Variants in TLK2 observed in about 807,000 individuals in gnomAD.
TLK2 encodes tousled like kinase 2.
A neutral mutation model predicts 117.3 loss-of-function variants in TLK2; 6 were observed. The observed-to-expected ratio is 0.05, with a 90% CI of 0.03 to 0.10. The LOEUF (loss-of-function observed/expected upper bound fraction) is 0.10, where lower values mean the gene tolerates loss of function less well. Among genes scored for constraint, TLK2 ranks in the 10% least tolerant of loss-of-function variants. TLK2 has a pLI of 1.00. For missense variants in TLK2, 299 were observed against 901.2 expected, an observed-to-expected ratio of 0.33 and a Z score of 8.56; for synonymous variants, 257 against 316.7, an observed-to-expected ratio of 0.81 and a Z score of 2.00.
At position 62,614,474 on chromosome 17, in the gene TLK2, C is replaced by G. The variant is rs560684322; in HGVS notation, c.*1909C>G. ...GAGAGCTCTCAAATAACTCATGACT[C>G]TAGTGTTCCTTTCACATGTGAACAG... is the stretch of plus-strand genomic sequence containing the variant. On this transcript the variant is annotated 3_prime_UTR_variant, in exon 22 of 22. Transcript: ENST00000346027. The G allele has an allele frequency of 2.0e-5, 3 of 152,296 alleles. No individual in the cohort carries two copies. Among genetic ancestry groups the G allele is most frequent in the East Asian group, 3.9e-4 (2 of 5,168 alleles). The allele number at this position is 152,296 out of a possible 1,614,324, so 9.4% of individuals were successfully genotyped here.
rs2073891070 is a variant in TLK2, at chr17:62,498,360, A to T, written c.81+17154A>T. Among the ~76,000 whole-genome samples the T allele has an allele frequency of 2.0e-5, 3 of 151,912 alleles. No homozygotes were observed. The South Asian group carries it at 6.2e-4, about 32-fold the overall frequency. ...AAGTTAAAAGATTTAGTTAACTTAA[A>T]CATAGTTGATAGTGTCGTAGAAAGC... On this transcript the variant is annotated intron_variant, in intron 2 of 21. Coordinates refer to ENST00000346027, the MANE Select transcript of TLK2 (RefSeq NM_006852.6).
intron 11 of TLK2, 30 bp from the exon 12 acceptor site, chr17:62,573,185 T>C (rs2080455022): frequency 6.3e-7 from 1 of 1,587,326 alleles, no homozygotes; most frequent in Non-Finnish European, 8.6e-7. Flanking sequence ...TTGACTTTCT[T>C]TCTTTGTACA....
intron 6 of TLK2, among the ~76,000 whole-genome samples, chr17:62,528,286 A>G (rs551209081): frequency 2.6e-5 from 4 of 152,334 alleles, no homozygotes; most frequent in African/African-American, 9.6e-5. Flanking sequence ...ATAAAAGATT[A>G]TTTTGTATTT....
chr17:62,559,387 T>A (rs747022770), intron 9 of TLK2, among the ~76,000 whole-genome samples: 23 of 148,618 alleles, frequency 1.5e-4, no homozygotes, highest in Non-Finnish European at 3.0e-4. Flanking sequence ...TATTTTTTAT[T>A]TTTTTTTTTG....
intron 15 of TLK2, among the ~76,000 whole-genome samples, chr17:62,581,079 C>A (rs1345516357): frequency 2.6e-5 from 4 of 151,928 alleles, no homozygotes; most frequent in African/African-American, 9.7e-5. Flanking sequence ...GTAGCACAAT[C>A]ATAGTTCATT....
chr17:62,608,005 A>G (rs762099195), intron 20 of TLK2, 36 bp from the exon 21 acceptor site: 3 of 1,541,062 alleles, frequency 1.9e-6, no homozygotes, highest in Non-Finnish European at 2.7e-6. Context: ...AATTTTCATC[A>G]GAGGCCTACA....
At position 62,533,754 on chromosome 17, in the gene TLK2, G is replaced by T. The variant is rs2076922009; in HGVS notation, c.364-2416G>T. Among the ~76,000 whole-genome samples the T allele has an allele frequency of 2.6e-5, 4 of 152,206 alleles. No homozygotes were observed. In the South Asian group the frequency reaches 8.3e-4, roughly 32 times the overall value. On this transcript the variant is annotated intron_variant, in intron 6 of 21. Transcript: ENST00000346027. Reference sequence around the variant, plus strand: ...GGCCTCCCAAAGTGCTGGGATTACAGGCATGAGCCACTGTGCCCCGCCCAT... The same window carrying T: ...GGCCTCCCAAAGTGCTGGGATTACATGCATGAGCCACTGTGCCCCGCCCAT...
chr17:62,510,337 G>T (rs1441307084), intron 2 of TLK2, among the ~76,000 whole-genome samples: 1 of 152,122 alleles, frequency 6.6e-6, no homozygotes, highest in Non-Finnish European at 1.5e-5. Context: ...ATGGCTTAAT[G>T]GTGAGAAGTA....
At chr17:62,498,869 G>A (rs935382298) in intron 2 of TLK2, among the ~76,000 whole-genome samples, 1 of 149,266 alleles carries the variant, frequency 6.7e-6, no homozygotes, top group African/African-American at 2.6e-5. Context: ...TGGTTTATTT[G>A]TTTGTTTGTT....
intron 11 of TLK2, among the ~76,000 whole-genome samples, chr17:62,568,532 T>C (rs947348693): frequency 2.0e-5 from 3 of 152,128 alleles, no homozygotes; most frequent in African/African-American, 7.2e-5. Flanking sequence ...GTTTACAGCA[T>C]TGTAATGCTA....
At chr17:62,489,174 C>CGTGTGT (rs59470331) in intron 2 of TLK2, among the ~76,000 whole-genome samples, 7,690 of 140,644 alleles carry the variant, frequency 0.055, 273 homozygotes, top group East Asian at 0.11. Flanking sequence ...TTTAATTGTA[C>CGTGTGT]GTGTGTGTGT....
At chr17:62,559,465 G>A (rs11657101) in intron 9 of TLK2, among the ~76,000 whole-genome samples, 38,379 of 150,414 alleles carry the variant, frequency 0.26, 6,322 homozygotes, top group Non-Finnish European at 0.36. Context: ...TGCAGTCTTC[G>A]CCTTTGAGTT....
At chr17:62,600,484 A>G in intron 17 of TLK2, 167 bp from the exon 18 acceptor site, 1 of 580,578 alleles carries the variant, frequency 1.7e-6, no homozygotes, top group Non-Finnish European at 2.9e-6. Flanking sequence ...GTTTCTTACC[A>G]GAAACCCCTC....
chr17:62,600,842 C>T (rs2082820245), intron 18 of TLK2, 22 bp downstream of exon 18: 1 of 1,579,536 alleles, frequency 6.3e-7, no homozygotes, highest in African/African-American at 1.4e-5. Flanking sequence ...TTTTAGGAGA[C>T]AGTATTAGTG....
intron 21 of TLK2, 130 bp from the exon 22 acceptor site, chr17:62,612,262 G>C: frequency 2.1e-6 from 2 of 934,572 alleles, no homozygotes; most frequent in Non-Finnish European, 3.1e-6. Context: ...TGATTTCTGA[G>C]GAAGGCCTTA....
chr17:62,509,540 A>T (rs1412218487), intron 2 of TLK2, among the ~76,000 whole-genome samples: 3 of 152,380 alleles, frequency 2.0e-5, no homozygotes, highest in East Asian at 3.9e-4. Context: ...GCTACAGCAG[A>T]TTATTCCTTT....
chr17:62,612,187 G>A lies in TLK2; in HGVS notation c.2080-205G>A, dbSNP rs1426656935. 4 of 489,064 alleles carry A rather than the reference G, an allele frequency of 8.2e-6. No individual in the cohort carries two copies. The East Asian group carries it at 1.0e-4, about 13-fold the overall frequency. The allele number at this position is 489,064 out of a possible 1,614,324, so 30.3% of individuals were successfully genotyped here. Reference sequence around the variant, plus strand: ...AGCCCTTTCTGTCTGAGAAGGGATCGGTGGCAGCAGAGAGGTACTTCTGTT... The same window carrying A: ...AGCCCTTTCTGTCTGAGAAGGGATCAGTGGCAGCAGAGAGGTACTTCTGTT... On this transcript the variant is annotated intron_variant, in intron 21 of 21. Transcript: ENST00000346027.
intron 16 of TLK2, among the ~76,000 whole-genome samples, chr17:62,588,964 G>A (rs2081866838): frequency 6.6e-6 from 1 of 152,172 alleles, no homozygotes; most frequent in Non-Finnish European, 1.5e-5. Flanking sequence ...AGTAAGGTCT[G>A]TTAATTGCGT....
chr17:62,606,796 A>T (rs984916626), intron 20 of TLK2, among the ~76,000 whole-genome samples: 3 of 152,202 alleles, frequency 2.0e-5, no homozygotes, highest in Admixed American at 2.0e-4. Flanking sequence ...TTTCCTTGTG[A>T]ACATGCCTTA....
Sources: gnomAD v4.1 joint callset for allele counts (sites outside exome capture counted in the v4.1 genomes callset) on GRCh38, gnomAD v4.1.1 for gene constraint, MANE v1.5 for transcripts, NCBI Gene and HGNC (gene_info 2026-07-23, HGNC 2026-07-21) for gene names.